The following ACOT7 variants were observed in gnomAD, a reference collection of about 807,000 sequenced individuals.
ACOT7 encodes the protein cytosolic acyl coenzyme A thioester hydrolase.
In ACOT7, 12 loss-of-function variants were observed where a neutral mutation model predicts 40.2. The observed-to-expected ratio is 0.30, with a 90% CI of 0.19 to 0.48. The LOEUF (loss-of-function observed/expected upper bound fraction) is 0.48. Ranked by LOEUF, ACOT7 falls within the 20% of genes least tolerant of loss-of-function variation. The probability of loss-of-function intolerance (pLI) is 0.99; values close to 1 mark genes in which losing one functional copy is unlikely to be tolerated. For synonymous variants in ACOT7, 228 were observed against 219.5 expected, an observed-to-expected ratio of 1.04 and a Z score of -0.34; for missense variants, 395 against 530.8, an observed-to-expected ratio of 0.74 and a Z score of 2.51.
At chr1:6,389,759 G>C (rs755277121) in intron 1 of ACOT7, among the ~76,000 whole-genome samples, 79 of 149,232 alleles carry the variant, frequency 5.3e-4, no homozygotes, top group Non-Finnish European at 9.9e-4. Flanking sequence ...TGGGGGACAG[G>C]GCAAGACTCC....
rs536848539 is a variant in ACOT7 at position 6,288,711 on chromosome 1, G to C, written c.829+6153C>G. Among the ~76,000 whole-genome samples the C allele has an allele frequency of 3.9e-5, 6 of 152,236 alleles. No homozygotes were observed. Among genetic ancestry groups the C allele is most frequent in the Non-Finnish European group, 7.3e-5 (5 of 68,046 alleles). On this transcript the variant is annotated intron_variant, in intron 7 of 8. Coordinates refer to ENST00000361521, the MANE Select transcript of ACOT7 (RefSeq NM_007274.4). This position sits in a 1 kb window ranked among gnomAD's most constrained non-coding sequence, Gnocchi z 4.3. ...AAATGCCAAATTTGCAGCCAACAGA[G>C]CTGGGCCCACGGCAGGGTGGCAGTG...
Position 6,306,195 on chromosome 1 carries a change from G to C in ACOT7, c.713-11215C>G, listed in dbSNP as rs918531145. On this transcript the variant is annotated intron_variant, in intron 6 of 8. Coordinates refer to ENST00000361521, the MANE Select transcript of ACOT7 (RefSeq NM_007274.4). The surrounding 1 kb of genome is among the most constrained non-coding windows in gnomAD (Gnocchi z 4.3). ...GAGACCGTGGCAAGAGAGGGAGAGG[G>C]AGACCGTGGGGAGAGGGGGAGGGGG... is the stretch of plus-strand genomic sequence containing the variant. 1.3e-5 allele frequency: 12 copies of C among 939,190 alleles called. No homozygotes were observed. The African/African-American group carries it at 2.1e-4, about 16-fold the overall frequency. 58.2% of individuals were successfully genotyped at this position (939,190 alleles called of 1,614,324 possible).
At chr1:6,334,174 C>T (rs1005162858) in intron 3 of ACOT7, among the ~76,000 whole-genome samples, 5 of 152,208 alleles carry the variant, frequency 3.3e-5, no homozygotes, top group Admixed American at 2.0e-4. Context: ...CCCGGGGACA[C>T]GAGGCTGAGC....
chr1:6,371,855 G>A (rs892588674), intron 1 of ACOT7, among the ~76,000 whole-genome samples: 1 of 151,258 alleles, frequency 6.6e-6, no homozygotes, highest in Non-Finnish European at 1.5e-5. Flanking sequence ...GACCAGCCTG[G>A]CCAACATAGT....
chr1:6,267,853 C>T (rs142578432), intron 8 of ACOT7, among the ~76,000 whole-genome samples: 38 of 152,310 alleles, frequency 2.5e-4, no homozygotes, highest in African/African-American at 8.2e-4. Flanking sequence ...GGGTGTGAAT[C>T]CTGATTCACC....
Position 6,333,671 on chromosome 1 carries a change from C to G in ACOT7, c.419-103G>C, listed in dbSNP as rs1327143829. The G allele has an allele frequency of 3.7e-6, 4 of 1,095,460 alleles. 1 individual carries two copies. In the Middle Eastern group the frequency reaches 8.4e-4, roughly 229 times the overall value. 67.9% of individuals were successfully genotyped at this position (1,095,460 alleles called of 1,614,324 possible). A position where few individuals can be genotyped will look rare whatever the true frequency, so the allele number is the denominator to read the frequency against. ...CTGCTCCAGCGCCCGGTCCCAGTAC[C>G]TGAAACACACCACAGTGTGCACCAC... On this transcript the variant is annotated intron_variant, in intron 3 of 8. Transcript: ENST00000361521.
intron 2 of ACOT7, among the ~76,000 whole-genome samples, chr1:6,349,166 C>T (rs72858370): frequency 0.081 from 12,350 of 152,252 alleles, 1,162 homozygotes; most frequent in African/African-American, 0.23. Context: ...CACTAGACAC[C>T]GTGCCCCTTG....
At chr1:6,324,993 C>G (rs749150729) in intron 5 of ACOT7, among the ~76,000 whole-genome samples, 3 of 152,240 alleles carry the variant, frequency 2.0e-5, no homozygotes, top group Non-Finnish European at 2.9e-5. Context: ...GACCTGACTG[C>G]TGGGCTGCCC....
chr1:6,364,588 G>A (rs1299269796), intron 1 of ACOT7, among the ~76,000 whole-genome samples: 14 of 147,986 alleles, frequency 9.5e-5, no homozygotes, highest in East Asian at 4.1e-4. Flanking sequence ...AGTGGCTCAC[G>A]CCTGTAATCC....
intron 7 of ACOT7, among the ~76,000 whole-genome samples, chr1:6,283,850 CTG>C (rs1355041373): frequency 6.6e-6 from 1 of 152,228 alleles, no homozygotes; most frequent in East Asian, 1.9e-4. Flanking sequence ...GGAAACCTAA[CTG>C]GATATAGTGG....
intron 1 of ACOT7, among the ~76,000 whole-genome samples, chr1:6,381,723 T>C (rs1642338972): frequency 6.6e-6 from 1 of 151,960 alleles, no homozygotes; most frequent in Admixed American, 6.6e-5. Context: ...CTCTGCTGTG[T>C]TCATAGCAGC....
chr1:6,356,371 C>T (rs1055194081), intron 1 of ACOT7, among the ~76,000 whole-genome samples: 2 of 152,106 alleles, frequency 1.3e-5, no homozygotes, highest in Admixed American at 6.6e-5. Context: ...AGGGGAGCCC[C>T]GAGGCAGCAG....
intron 1 of ACOT7, among the ~76,000 whole-genome samples, chr1:6,372,818 G>A (rs146514157): frequency 6.6e-6 from 1 of 152,280 alleles, no homozygotes; most frequent in East Asian, 1.9e-4. Context: ...CCAAAGTGCT[G>A]GAATTATAGG....
Position 6,339,553 on chromosome 1 carries a change from T to A in ACOT7, c.298A>T (p.Thr100Ser). The change falls in exon 3 of 9, where the codon ACC becomes TCC. Residue 100 changes from threonine to serine, a missense_variant. Transcript: ENST00000361521. ...CVAALARVER[T>S]DFLSPMCIGE... ...ATGCACATGGGAGACAGGAAGTCGG[T>A]GCGCTCGACACGAGCCAGGGCGGCC... 1 of 1,613,506 alleles carries A rather than the reference T, an allele frequency of 6.2e-7. No individual in the cohort carries two copies. Among genetic ancestry groups the A allele is most frequent in the South Asian group, 1.1e-5 (1 of 91,086 alleles).
chr1:6,267,789 G>A (rs926288745), intron 8 of ACOT7, among the ~76,000 whole-genome samples: 1 of 152,220 alleles, frequency 6.6e-6, no homozygotes, highest in Non-Finnish European at 1.5e-5. Context: ...CCCTTCCTGG[G>A]ATGGTCTCTT....
At chr1:6,350,278 C>T (rs1294326598) in intron 1 of ACOT7, among the ~76,000 whole-genome samples, 2 of 152,168 alleles carry the variant, frequency 1.3e-5, no homozygotes, top group Non-Finnish European at 2.9e-5. Context: ...CACCACCACC[C>T]CCGTCAGGAG....
intron 1 of ACOT7, among the ~76,000 whole-genome samples, chr1:6,378,513 T>C (rs2148478318): frequency 6.6e-6 from 1 of 151,852 alleles, no homozygotes; most frequent in Admixed American, 6.5e-5. Flanking sequence ...TCCTTTACTC[T>C]CCCAAGGCTC....
At chr1:6,273,583 C>T (rs1422898260) in intron 8 of ACOT7, among the ~76,000 whole-genome samples, 2 of 152,252 alleles carry the variant, frequency 1.3e-5, no homozygotes, top group Non-Finnish European at 2.9e-5. Flanking sequence ...AATGGCCAAA[C>T]GCGGCAGGCG....
Position 6,275,649 on chromosome 1 carries a change from A to T in ACOT7, c.1014+5453T>A, listed in dbSNP as rs1639165814. ...GGAGAATCGTTTGAACCCGGGAGGCAGCGGTTGCAGTGAGCCGAGATCCAG... is the reference window on the plus strand; with the variant it reads ...GGAGAATCGTTTGAACCCGGGAGGCTGCGGTTGCAGTGAGCCGAGATCCAG... On this transcript the variant is annotated intron_variant, in intron 8 of 8. Transcript: ENST00000361521. This position sits in a 1 kb window ranked among gnomAD's most constrained non-coding sequence, Gnocchi z 5.6. Among the ~76,000 whole-genome samples the T allele has an allele frequency of 6.8e-6, 1 of 146,752 alleles. No homozygotes were observed. The highest frequency in any genetic ancestry group is 7.0e-5 in the Admixed American group (1 of 14,202).
Sources: allele counts gnomAD v4.1 joint callset (sites outside exome capture counted in the v4.1 genomes callset), GRCh38; gene constraint gnomAD v4.1.1; non-coding constraint Gnocchi (gnomAD v3.1); transcripts MANE v1.5; gene names NCBI Gene and HGNC (gene_info 2026-07-23, HGNC 2026-07-21).